Variants in SAMSN1 observed in about 807,000 individuals in gnomAD.
The protein encoded by SAMSN1 is SAM domain-containing protein SAMSN-1.
A neutral mutation model predicts 42.0 loss-of-function variants in SAMSN1; 31 were observed. That is an observed-to-expected ratio of 0.74 (90% CI 0.55 to 1.00). The LOEUF (loss-of-function observed/expected upper bound fraction) is 1.00. SAMSN1 is among the 50% of genes least tolerant of loss of function. The pLI, the probability that SAMSN1 is intolerant of heterozygous loss-of-function variation, is 0.00. For missense variants in SAMSN1, 464 were observed against 439.4 expected, an observed-to-expected ratio of 1.06 and a Z score of -0.50; for synonymous variants, 178 against 151.9, an observed-to-expected ratio of 1.17 and a Z score of -1.26.
intron 1 of SAMSN1, among the ~76,000 whole-genome samples, chr21:14,583,156 G>A (rs924187991): frequency 2.8e-4 from 42 of 152,266 alleles, no homozygotes; most frequent in Admixed American, 2.5e-3. Context: ...GTAGAAAACA[G>A]TTACAGAAAA....
intron 2 of SAMSN1, among the ~76,000 whole-genome samples, chr21:14,634,143 C>A (rs553043804): frequency 6.6e-6 from 1 of 151,776 alleles, no homozygotes; most frequent in Non-Finnish European, 1.5e-5. Flanking sequence ...CTTCCTTATA[C>A]CTTATACAAA....
upstream of SAMSN1, among the ~76,000 whole-genome samples, chr21:14,548,307 T>A (rs556270583): frequency 6.6e-6 from 1 of 152,250 alleles, no homozygotes; most frequent in South Asian, 2.1e-4. Flanking sequence ...ATTTCAGTAA[T>A]GTTTTATGTC....
At chr21:14,522,067 C>A (rs935746266) in intron 1 of SAMSN1, among the ~76,000 whole-genome samples, 5 of 152,054 alleles carry the variant, frequency 3.3e-5, no homozygotes, top group Admixed American at 6.6e-5. Context: ...GGAATTTTTC[C>A]ACATTTAACA....
At chr21:14,608,845 C>T (rs1312477685) in intron 5 of SAMSN1, among the ~76,000 whole-genome samples, 2 of 152,072 alleles carry the variant, frequency 1.3e-5, no homozygotes, top group Non-Finnish European at 1.5e-5. Context: ...TTTCTCATTC[C>T]AATAACACTT....
At chr21:14,525,073 T>C (rs1323682167) in intron 1 of SAMSN1, among the ~76,000 whole-genome samples, 1 of 152,198 alleles carries the variant, frequency 6.6e-6, no homozygotes, top group Admixed American at 6.5e-5. Flanking sequence ...AATTGTTCTG[T>C]ATATGTTCAT....
intron 2 of SAMSN1, among the ~76,000 whole-genome samples, chr21:14,622,136 T>G (rs1015341243): frequency 6.6e-6 from 1 of 152,096 alleles, no homozygotes; most frequent in Non-Finnish European, 1.5e-5. Context: ...ATCACCATCA[T>G]CAAAGACCAA....
chr21:14,536,033 A>C (rs1272724330), intron 1 of SAMSN1, among the ~76,000 whole-genome samples: 1 of 152,208 alleles, frequency 6.6e-6, no homozygotes, highest in Non-Finnish European at 1.5e-5. Context: ...AGATAGTTTA[A>C]AATCTTCTGC....
At chr21:14,600,658 A>G (rs1982404247) in intron 6 of SAMSN1, among the ~76,000 whole-genome samples, 1 of 152,206 alleles carries the variant, frequency 6.6e-6, no homozygotes, top group Admixed American at 6.5e-5. Flanking sequence ...CTATTTTTCT[A>G]CGAAAAACCT....
In SAMSN1 at chr21:14,646,600, G is replaced by A. The variant is rs145865759; in HGVS notation, c.25-3467C>T. ...GTACAAAACTCACTGGTAATAGTAAGTACACAGACATATACAGAATATTAT... is the reference window on the plus strand; with the variant it reads ...GTACAAAACTCACTGGTAATAGTAAATACACAGACATATACAGAATATTAT... On this transcript the variant is annotated intron_variant, in intron 1 of 15. Coordinates refer to the SAMSN1 transcript ENST00000647101. Among the ~76,000 whole-genome samples the A allele has an allele frequency of 8.3e-3, 1,261 of 152,230 alleles. 34 individuals carry two copies. The highest frequency in any genetic ancestry group is 0.024 in the East Asian group (127 of 5,186).
chr21:14,504,132 A>G (rs1987297175), intron 5 of SAMSN1, among the ~76,000 whole-genome samples: 1 of 152,162 alleles, frequency 6.6e-6, no homozygotes, highest in Admixed American at 6.5e-5. Flanking sequence ...CTTCCCTCTG[A>G]CAGAAACTAC....
chr21:14,546,429 T>A (rs1217048705), upstream of SAMSN1: 5 of 1,184,560 alleles, frequency 4.2e-6, no homozygotes, highest in African/African-American at 6.2e-5. Flanking sequence ...ATGGGTAATT[T>A]TTTTTTCTTA....
chr21:14,558,214 C>T (rs540747405), intron 2 of SAMSN1, among the ~76,000 whole-genome samples: 68 of 152,128 alleles, frequency 4.5e-4, no homozygotes, highest in African/African-American at 1.5e-3. Flanking sequence ...TAGGTGTGCA[C>T]GTTTTAGGCC....
chr21:14,646,893 C>G (rs1006768625), intron 1 of SAMSN1, among the ~76,000 whole-genome samples: 2 of 151,946 alleles, frequency 1.3e-5, no homozygotes, highest in Non-Finnish European at 2.9e-5. Context: ...TCATGGTAAA[C>G]TCAAACCAAA....
chr21:14,515,098 A>G (rs745948171), intron 3 of SAMSN1, among the ~76,000 whole-genome samples: 1 of 152,186 alleles, frequency 6.6e-6, no homozygotes. Flanking sequence ...GATGTTTTAT[A>G]TGTAAGGAAA....
intron 2 of SAMSN1, among the ~76,000 whole-genome samples, chr21:14,570,955 T>C (rs1465314745): frequency 3.3e-5 from 5 of 152,210 alleles, no homozygotes; most frequent in Non-Finnish European, 2.9e-5. Flanking sequence ...AGGCTTACCT[T>C]ATCCCACATC....
Position 14,486,090 on chromosome 21 carries a change from G to A in SAMSN1, c.944C>T (p.Pro315Leu), listed in dbSNP as rs148680592. 305 of 1,613,400 alleles carry A rather than the reference G, an allele frequency of 1.9e-4. 1 individual carries two copies. In the African/African-American group the frequency reaches 3.7e-3, roughly 20 times the overall value. Residue 315 changes from proline (P) to leucine (L), a missense_variant, in exon 8 of 8, where the codon CCT (proline) becomes CTT (leucine). Pro to Leu is a moderately conservative substitution (Grantham distance 98). Transcript: ENST00000400566. ...EEIIQEQENE[P>L]EPLSLSSDIS... ...GTCTGAGCTCAAGGATAGGGGCTCA[G>A]GTTCATTTTCTTGCTCTTGAATAAC... is the stretch of plus-strand genomic sequence containing the variant.
chr21:14,631,217 A>G (rs986001557), intron 2 of SAMSN1, among the ~76,000 whole-genome samples: 3 of 152,230 alleles, frequency 2.0e-5, no homozygotes, highest in African/African-American at 7.2e-5. Context: ...AACCACAGTT[A>G]TGTACTTAGA....
intron 1 of SAMSN1, among the ~76,000 whole-genome samples, chr21:14,536,559 T>G (rs1979635590): frequency 6.6e-6 from 1 of 152,250 alleles, no homozygotes; most frequent in Non-Finnish European, 1.5e-5. Flanking sequence ...CAGATTCATA[T>G]TCTGTAAAAC....
chr21:14,500,530 T>C lies in SAMSN1; in HGVS notation c.767A>G (p.Gln256Arg). The stretch of plus-strand genomic sequence containing the variant: ...CAAACAGAACACAGATTTGCTCACC[T>C]GCAGATGAATCCTCTCTAGGAACTC... ...LQEFLERIHL[Q>R]EYTSTLLLNG... The change falls in exon 6 of 8, where the codon CAG (glutamine) becomes CGG (arginine). Residue 256 changes from glutamine to arginine, a missense_variant and splice_region_variant. By Grantham distance (43) the Gln-to-Arg change is conservative. Transcript: ENST00000400566. The C allele has an allele frequency of 1.2e-6, 2 of 1,613,754 alleles. No homozygotes were observed. The highest frequency in any genetic ancestry group is 1.7e-5 in the Admixed American group (1 of 60,002).
Sources: allele counts gnomAD v4.1 joint callset (sites outside exome capture counted in the v4.1 genomes callset), GRCh38; gene constraint gnomAD v4.1.1; transcripts MANE v1.5; gene names NCBI Gene and HGNC (gene_info 2026-07-23, HGNC 2026-07-21).